The following LTBP2 variants were observed in gnomAD, a reference collection of about 807,000 sequenced individuals.
The protein encoded by LTBP2 is latent-transforming growth factor beta-binding protein 2.
In LTBP2, 103 loss-of-function variants were observed where a neutral mutation model predicts 210.6. The observed-to-expected ratio is 0.49, with a 90% confidence interval of 0.42 to 0.58. LTBP2 has a LOEUF of 0.58. LTBP2 is among the 20% of genes least tolerant of loss of function. The pLI, the probability that LTBP2 is intolerant of heterozygous loss-of-function variation, is 0.00. For synonymous variants in LTBP2, 1,007 were observed against 1,015.0 expected, an observed-to-expected ratio of 0.99 and a Z score of 0.15; for missense variants, 2,313 against 2,494.5, an observed-to-expected ratio of 0.93 and a Z score of 1.55.
chr14:74,597,443 A>T (rs1196822594), intron 2 of LTBP2, among the ~76,000 whole-genome samples: 1 of 152,186 alleles, frequency 6.6e-6, no homozygotes, highest in African/African-American at 2.4e-5. Flanking sequence ...GGATGGAGGG[A>T]GGAAACTGCC....
chr14:74,564,174 TTTA>T (rs1566640673), intron 3 of LTBP2, among the ~76,000 whole-genome samples: 19 of 53,596 alleles, frequency 3.5e-4, no homozygotes, highest in South Asian at 1.1e-3. Flanking sequence ...TATATATATA[TTTA>T]TATATATATT....
chr14:74,601,882 G>A (rs1323010690), intron 2 of LTBP2, among the ~76,000 whole-genome samples: 1 of 152,172 alleles, frequency 6.6e-6, no homozygotes, highest in East Asian at 1.9e-4. Context: ...AAGGGCCTGG[G>A]GCTGGTCCTT....
Position 74,586,081 on chromosome 14 carries a change from G to A in LTBP2, c.603C>T (p.Cys201=). Residue 201 remains cysteine, a synonymous_variant, in exon 3 of 36, where the codon TGC becomes TGT. Coordinates refer to ENST00000261978, the MANE Select transcript of LTBP2 (RefSeq NM_000428.3). This position sits in a 1 kb window ranked among gnomAD's most constrained non-coding sequence, Gnocchi z 4.6. ...CEPPCQNRGS[C]SRPQLCVCRS... ...GGCAGACACAGAGCTGCGGGCGGCT[G>A]CAGGAGCCCCGGTTCTGGCACGGCG... 10 of 1,600,558 alleles carry A rather than the reference G, an allele frequency of 6.2e-6. No individual in the cohort carries two copies. Among genetic ancestry groups the A allele is most frequent in the Non-Finnish European group, 8.5e-6 (10 of 1,174,092 alleles).
intron 3 of LTBP2, among the ~76,000 whole-genome samples, chr14:74,575,475 T>C (rs570278671): frequency 2.4e-4 from 37 of 152,272 alleles, no homozygotes; most frequent in Admixed American, 1.7e-3. Flanking sequence ...ACTGCACAAC[T>C]CTTGGGTTAC....
chr14:74,522,867 C>G lies in LTBP2; in HGVS notation c.2582G>C (p.Cys861Ser). ...TCTGTATCCATCGGGGAGGTTCACG[C>G]AGGTTCCAGGGCCACAGACGTTGGT... is the stretch of plus-strand genomic sequence containing the variant. ...GATNVCGPGT[C>S]VNLPDGYRCV... The change falls in exon 16 of 36, where the codon TGC becomes TCC. Residue 861 changes from cysteine (C) to serine (S), a missense_variant. By Grantham distance (112) the Cys-to-Ser change is moderately radical (BLOSUM62 -1). Around this residue, in one of 3 missense-constraint regions of LTBP2, gnomAD observed 1,867 missense variants for 1,976.9 expected, o/e 0.94. Transcript: ENST00000261978. 6.2e-7 allele frequency: 1 copy of G among 1,612,872 alleles called. No homozygotes were observed. Among genetic ancestry groups the G allele is most frequent in the Non-Finnish European group, 8.5e-7 (1 of 1,179,682 alleles).
At chr14:74,575,208 C>T (rs954048679) in intron 3 of LTBP2, among the ~76,000 whole-genome samples, 4 of 152,358 alleles carry the variant, frequency 2.6e-5, no homozygotes, top group African/African-American at 9.6e-5. Context: ...CCCCTAAGGC[C>T]AGCCGTGGCC....
At chr14:74,596,362 A>G (rs904887902) in intron 2 of LTBP2, among the ~76,000 whole-genome samples, 2 of 152,192 alleles carry the variant, frequency 1.3e-5, no homozygotes, top group African/African-American at 4.8e-5. Context: ...GGTGGGGGCC[A>G]CTCAAGCAAG....
chr14:74,564,425 C>T lies in LTBP2; in HGVS notation c.831-8732G>A, dbSNP rs555857555. Among the ~76,000 whole-genome samples the T allele has an allele frequency of 4.8e-5, 6 of 125,526 alleles. No individual in the cohort carries two copies. The South Asian group carries it at 1.4e-3, about 30-fold the overall frequency. 82.3% of individuals were successfully genotyped at this position (125,526 alleles called of 152,430 possible). A position where few individuals can be genotyped will look rare whatever the true frequency, so the allele number is the denominator to read the frequency against. ...ATATATATATTTTGAGACAGAGTCT[C>T]ACTCTGTTGCCCAGGCTGAAGTGCA... is the stretch of plus-strand genomic sequence containing the variant. On this transcript the variant is annotated intron_variant, in intron 3 of 35. Transcript: ENST00000261978.
intron 3 of LTBP2, among the ~76,000 whole-genome samples, chr14:74,568,376 C>T (rs80242946): frequency 0.05 from 7,530 of 152,018 alleles, 640 homozygotes; most frequent in African/African-American, 0.17. Context: ...CATGTTCCAG[C>T]GCGGCCGTGG....
chr14:74,543,556 T>TCCTTCCTC (rs56090784), intron 8 of LTBP2, among the ~76,000 whole-genome samples: 37,044 of 148,184 alleles, frequency 0.25, 5,935 homozygotes, highest in Non-Finnish European at 0.34. Context: ...CTCCCTCCCT[T>TCCTTCCTC]CCTTCCTCCC....
rs2139709996 is a variant in LTBP2 at position 74,522,011 on chromosome 14, G to C, written c.2688C>G (p.Cys896Trp). 1.2e-6 allele frequency: 2 copies of C among 1,613,772 alleles called. No individual in the cohort carries two copies. Among genetic ancestry groups the C allele is most frequent in the Middle Eastern group, 3.3e-4 (2 of 6,062 alleles). The stretch of plus-strand genomic sequence containing the variant: ...GGTTGATGCAGCGCCCTTTTCCCTT[G>C]CAGGGGTCCCTCAGACACTCGTTGT... ...TDDNECLRDPCKGKGRCINRV... is the reference protein window; with the variant it reads ...TDDNECLRDPWKGKGRCINRV... The change falls in exon 17 of 36, where the codon TGC becomes TGG. Residue 896 changes from cysteine (C) to tryptophan (W), a missense_variant. This residue lies in a region of LTBP2 where 1,867 missense variants were observed against 1,976.9 expected (regional missense o/e 0.94). Coordinates refer to ENST00000261978, the MANE Select transcript of LTBP2 (RefSeq NM_000428.3).
chr14:74,520,665 G>A (rs1219481293), intron 17 of LTBP2, among the ~76,000 whole-genome samples: 1 of 152,160 alleles, frequency 6.6e-6, no homozygotes, highest in African/African-American at 2.4e-5. Flanking sequence ...GCCGAGCGTG[G>A]TGGCAGGCGC....
intron 35 of LTBP2, 53 bp downstream of exon 35, chr14:74,501,388 G>A (rs891556334): frequency 1.9e-5 from 30 of 1,612,956 alleles, no homozygotes; most frequent in East Asian, 8.9e-5. Context: ...GAGTTCAGGC[G>A]TCTCTGTGGG....
chr14:74,570,812 C>G (rs1392328452), intron 3 of LTBP2, among the ~76,000 whole-genome samples: 1 of 152,054 alleles, frequency 6.6e-6, no homozygotes, highest in Non-Finnish European at 1.5e-5. Context: ...GATGAGATTC[C>G]CTTCCCCACC....
intron 3 of LTBP2, among the ~76,000 whole-genome samples, chr14:74,573,024 A>G (rs1177046836): frequency 2.0e-5 from 3 of 152,210 alleles, no homozygotes; most frequent in Non-Finnish European, 4.4e-5. Flanking sequence ...TGGAAACTGT[A>G]TACATTAACA....
At chr14:74,599,305 G>A (rs1484278012) in intron 2 of LTBP2, among the ~76,000 whole-genome samples, 1 of 152,134 alleles carries the variant, frequency 6.6e-6, no homozygotes, top group Non-Finnish European at 1.5e-5. Context: ...CCCCCTCCTC[G>A]ACAGCTGCAG....
chr14:74,508,511 T>TA, intron 24 of LTBP2, 93 bp downstream of exon 24: 1 of 1,539,134 alleles, frequency 6.5e-7, no homozygotes, highest in Non-Finnish European at 8.7e-7. Flanking sequence ...ACTCTAGTCT[T>TA]AGCCTGTAGC....
intron 3 of LTBP2, among the ~76,000 whole-genome samples, chr14:74,583,698 C>A (rs1342496898): frequency 6.6e-6 from 1 of 152,254 alleles, no homozygotes; most frequent in African/African-American, 2.4e-5. Flanking sequence ...CTCCCCTCTC[C>A]CCATCACCTA....
rs536299204 is a variant in LTBP2 at position 74,593,851 on chromosome 14, C to A, written c.566-7733G>T. Among the ~76,000 whole-genome samples the A allele has an allele frequency of 2.6e-5, 4 of 152,106 alleles. No individual in the cohort carries two copies. The East Asian group carries it at 7.7e-4, about 29-fold the overall frequency. ...AGCTTCTTGGCTATGACCCTTTCCC[C>A]AGGAAAGGGCAATGTCAACTCAGGC... is the stretch of plus-strand genomic sequence containing the variant. On this transcript the variant is annotated intron_variant, in intron 2 of 35. Coordinates refer to ENST00000261978, the MANE Select transcript of LTBP2 (RefSeq NM_000428.3).
Sources: allele counts gnomAD v4.1 joint callset (sites outside exome capture counted in the v4.1 genomes callset), GRCh38; gene constraint gnomAD v4.1.1; regional missense constraint gnomAD v4.1.1; non-coding constraint Gnocchi (gnomAD v3.1); transcripts MANE v1.5; gene names NCBI Gene and HGNC (gene_info 2026-07-23, HGNC 2026-07-21).